The following IMMP2L variants were observed in gnomAD, a reference collection of about 807,000 sequenced individuals.
IMMP2L encodes the protein inner mitochondrial membrane peptidase subunit 2, also known as mitochondrial inner membrane protease subunit 2.
In IMMP2L, 18 loss-of-function variants were observed where a neutral mutation model predicts 19.3. The ratio of observed to expected loss-of-function variants is 0.93; its 90% CI spans 0.64 to 1.38. IMMP2L has a LOEUF of 1.38. Among genes scored for constraint, IMMP2L ranks in the 40% most tolerant of loss-of-function variants. The pLI is 0.00. For missense variants in IMMP2L, 233 were observed against 218.2 expected, an observed-to-expected ratio of 1.07 and a Z score of -0.43; for synonymous variants, 76 against 73.0, an observed-to-expected ratio of 1.04 and a Z score of -0.21.
chr7:111,369,857 C>T (rs188496233), intron 3 of IMMP2L, among the ~76,000 whole-genome samples: 48 of 151,928 alleles, frequency 3.2e-4, no homozygotes, highest in Admixed American at 1.6e-3. Context: ...TCATGGCAGT[C>T]ATTATGCTAA....
At chr7:111,445,483 G>C (rs1031809463) in intron 3 of IMMP2L, among the ~76,000 whole-genome samples, 1 of 151,654 alleles carries the variant, frequency 6.6e-6, no homozygotes, top group East Asian at 1.9e-4. Context: ...AATCATACAA[G>C]ATCATGATGA....
chr7:111,487,955 T>C (rs1171042570), intron 2 of IMMP2L, among the ~76,000 whole-genome samples: 2 of 152,134 alleles, frequency 1.3e-5, no homozygotes, highest in Non-Finnish European at 2.9e-5. Context: ...AGTCTAACTG[T>C]GCCTGAGGGT....
intron 3 of IMMP2L, among the ~76,000 whole-genome samples, chr7:111,454,973 A>C (rs1271461526): frequency 6.6e-6 from 1 of 151,862 alleles, no homozygotes; most frequent in Non-Finnish European, 1.5e-5. Context: ...CTAAACTTTA[A>C]GATTTGTCAG....
At chr7:111,332,954 T>C (rs1032549415) in intron 3 of IMMP2L, among the ~76,000 whole-genome samples, 6 of 152,112 alleles carry the variant, frequency 3.9e-5, no homozygotes, top group African/African-American at 1.4e-4. Context: ...AAGGGATATC[T>C]GGAATACAGG....
At chr7:111,249,776 C>A (rs556775370) in intron 3 of IMMP2L, among the ~76,000 whole-genome samples, 1 of 152,206 alleles carries the variant, frequency 6.6e-6, no homozygotes, top group South Asian at 2.1e-4. Context: ...ATAACCAGAG[C>A]CATATATGAT....
chr7:111,539,889 C>T (rs914832089), intron 1 of IMMP2L, among the ~76,000 whole-genome samples: 2 of 151,984 alleles, frequency 1.3e-5, no homozygotes, highest in African/African-American at 4.8e-5. Flanking sequence ...ACAAAAATAT[C>T]CAGGTAGAGG....
intron 1 of IMMP2L, among the ~76,000 whole-genome samples, chr7:111,552,003 T>C (rs149231876): frequency 3.3e-5 from 5 of 152,244 alleles, no homozygotes; most frequent in African/African-American, 7.2e-5. Context: ...CCTGAGGCTA[T>C]TACTCAGATG....
At chr7:110,715,844 T>C (rs976168731) in intron 5 of IMMP2L, among the ~76,000 whole-genome samples, 3 of 152,130 alleles carry the variant, frequency 2.0e-5, no homozygotes, top group Non-Finnish European at 4.4e-5. Flanking sequence ...ATCTGTCTAA[T>C]ACTGTCAATG....
intron 5 of IMMP2L, among the ~76,000 whole-genome samples, chr7:110,738,302 T>A (rs575007763): frequency 6.6e-6 from 1 of 152,186 alleles, no homozygotes; most frequent in South Asian, 2.1e-4. Flanking sequence ...ATTAAAGAAA[T>A]CAAACACATT....
intron 1 of IMMP2L, among the ~76,000 whole-genome samples, chr7:111,527,907 T>C (rs1305372274): frequency 1.3e-5 from 2 of 152,256 alleles, no homozygotes; most frequent in East Asian, 3.9e-4. Context: ...CAATAAAAGC[T>C]ACCCTGGAAA....
At chr7:110,809,620 T>C (rs935318704) in intron 5 of IMMP2L, among the ~76,000 whole-genome samples, 2 of 151,974 alleles carry the variant, frequency 1.3e-5, no homozygotes, top group African/African-American at 4.8e-5. Flanking sequence ...TTATGTAAAA[T>C]ACATTATGAA....
At chr7:111,034,689 T>C (rs1466213972) in intron 3 of IMMP2L, among the ~76,000 whole-genome samples, 3 of 152,132 alleles carry the variant, frequency 2.0e-5, no homozygotes, top group Non-Finnish European at 4.4e-5. Context: ...TTATGTCTAA[T>C]AATTTCTGCA....
intron 5 of IMMP2L, among the ~76,000 whole-genome samples, chr7:110,694,335 GTGTT>G (rs1793720440): frequency 2.0e-5 from 3 of 152,098 alleles, no homozygotes; most frequent in East Asian, 1.9e-4. Context: ...GAGGAAGAAA[GTGTT>G]TGGCATCTGT....
chr7:111,291,798 TGTTA>T (rs1248490852), intron 3 of IMMP2L, among the ~76,000 whole-genome samples: 1 of 152,172 alleles, frequency 6.6e-6, no homozygotes, highest in Non-Finnish European at 1.5e-5. Context: ...AGGAAGGATT[TGTTA>T]ATTAACAGAT....
chr7:111,156,086 G>T (rs1804617421), intron 3 of IMMP2L, among the ~76,000 whole-genome samples: 1 of 152,004 alleles, frequency 6.6e-6, no homozygotes, highest in Non-Finnish European at 1.5e-5. Flanking sequence ...ATATCTACAA[G>T]ATTTTTATTA....
intron 5 of IMMP2L, among the ~76,000 whole-genome samples, chr7:110,884,790 A>T (rs916332755): frequency 3.3e-5 from 5 of 152,054 alleles, no homozygotes; most frequent in Non-Finnish European, 7.4e-5. Context: ...ATTAGATTAT[A>T]TTTTTGTAAT....
At position 111,243,466 on chromosome 7, in the gene IMMP2L, A is replaced by G. The variant is rs183391225; in HGVS notation, c.239+243772T>C. ...TTTTACATATATAATTTTAAAAGTT[A>G]TATGCTTATAGAAGTAAAGTGTTCA... On this transcript the variant is annotated intron_variant, in intron 3 of 5. Coordinates refer to ENST00000405709, the MANE Select transcript of IMMP2L (RefSeq NM_032549.4). 9.9e-5 allele frequency among the ~76,000 whole-genome samples: 15 copies of G among 151,342 alleles called. No homozygotes were observed. The East Asian group carries it at 2.5e-3, about 25-fold the overall frequency.
chr7:111,079,401 G>A (rs1409175339), intron 3 of IMMP2L, among the ~76,000 whole-genome samples: 1 of 152,130 alleles, frequency 6.6e-6, no homozygotes, highest in Non-Finnish European at 1.5e-5. Context: ...ACAGGCGTGA[G>A]CCACCGCGCC....
intron 3 of IMMP2L, among the ~76,000 whole-genome samples, chr7:111,107,365 A>G (rs903419582): frequency 2.6e-5 from 4 of 152,058 alleles, no homozygotes; most frequent in African/African-American, 9.7e-5. Flanking sequence ...ATTCTGTTGT[A>G]AACAGTTTAG....
Sources: allele counts gnomAD v4.1 joint callset (sites outside exome capture counted in the v4.1 genomes callset), GRCh38; gene constraint gnomAD v4.1.1; transcripts MANE v1.5; gene names NCBI Gene and HGNC (gene_info 2026-07-23, HGNC 2026-07-21).